LRRTM4: variants seen among roughly 807,000 people sequenced by gnomAD.
LRRTM4 encodes the protein leucine rich repeat transmembrane neuronal 4.
A neutral mutation model predicts 47.6 loss-of-function variants in LRRTM4; 25 were observed. The ratio of observed to expected loss-of-function variants is 0.53; its 90% CI spans 0.38 to 0.73. The LOEUF is 0.73. LRRTM4 is among the 30% of genes least tolerant of loss of function. The pLI is 0.00. For missense variants in LRRTM4, 638 were observed against 713.4 expected, an observed-to-expected ratio of 0.89 and a Z score of 1.20; for synonymous variants, 311 against 269.5, an observed-to-expected ratio of 1.15 and a Z score of -1.51.
intron 3 of LRRTM4, among the ~76,000 whole-genome samples, chr2:77,231,070 T>C (rs1674948519): frequency 2.0e-5 from 3 of 152,194 alleles, no homozygotes; most frequent in Admixed American, 1.3e-4. Context: ...AAAATATTTG[T>C]TTATTTTTAC....
intron 3 of LRRTM4, among the ~76,000 whole-genome samples, chr2:77,403,207 C>T (rs1573367015): frequency 6.6e-6 from 1 of 152,038 alleles, no homozygotes; most frequent in East Asian, 2.0e-4. Flanking sequence ...AATCAATTTG[C>T]CTTCCTATAC....
chr2:76,882,548 A>G (rs1672962489), intron 3 of LRRTM4, among the ~76,000 whole-genome samples: 1 of 151,852 alleles, frequency 6.6e-6, no homozygotes, highest in African/African-American at 2.4e-5. Flanking sequence ...AAAAATAAAA[A>G]AAAAAATTAA....
chr2:77,133,252 G>A (rs905944940), intron 3 of LRRTM4, among the ~76,000 whole-genome samples: 2 of 152,120 alleles, frequency 1.3e-5, no homozygotes, highest in African/African-American at 4.8e-5. Context: ...CAGTAACTGA[G>A]GTAAATATTG....
chr2:76,923,223 T>C (rs918610699), intron 3 of LRRTM4, among the ~76,000 whole-genome samples: 1 of 152,108 alleles, frequency 6.6e-6, no homozygotes, highest in Non-Finnish European at 1.5e-5. Flanking sequence ...TTCGTTTTTA[T>C]TGTTTTACCT....
chr2:77,337,089 G>T (rs928891826), intron 3 of LRRTM4, among the ~76,000 whole-genome samples: 2 of 152,010 alleles, frequency 1.3e-5, no homozygotes, highest in Non-Finnish European at 2.9e-5. Context: ...TTCAAGCTGA[G>T]AACCAATTTA....
chr2:77,150,058 A>C (rs1233428657), intron 3 of LRRTM4, among the ~76,000 whole-genome samples: 4 of 152,156 alleles, frequency 2.6e-5, no homozygotes, highest in Non-Finnish European at 5.9e-5. Flanking sequence ...GAAGTTATCT[A>C]TTTAGTAAAG....
rs142239410 is a variant in LRRTM4, at chr2:77,060,976, A to G, written c.1552-312060T>C. Among the ~76,000 whole-genome samples, 129 of 152,186 alleles carry G rather than the reference A, an allele frequency of 8.5e-4. 1 individual carries two copies. Among genetic ancestry groups the G allele is most frequent in the African/African-American group, 6.3e-4 (26 of 41,454 alleles). On this transcript the variant is annotated intron_variant, in intron 3 of 3. Transcript: ENST00000409884. ...AAAAACAATAGCAAATTATAAAGTTATATCAGTAAAAAACACAACAGTTTA... is the reference window on the plus strand; with the variant it reads ...AAAAACAATAGCAAATTATAAAGTTGTATCAGTAAAAAACACAACAGTTTA...
At chr2:76,842,184 T>C (rs1671703692) in intron 3 of LRRTM4, among the ~76,000 whole-genome samples, 1 of 152,130 alleles carries the variant, frequency 6.6e-6, no homozygotes, top group Non-Finnish European at 1.5e-5. Context: ...CTCTGCCTGA[T>C]TGCTTGGGCT....
intron 3 of LRRTM4, among the ~76,000 whole-genome samples, chr2:77,260,818 T>C (rs1675900616): frequency 1.3e-5 from 2 of 152,070 alleles, no homozygotes; most frequent in Admixed American, 1.3e-4. Context: ...CCGAGCCTGA[T>C]CAAAATGCAG....
intron 3 of LRRTM4, among the ~76,000 whole-genome samples, chr2:76,911,082 A>G (rs754145251): frequency 7.9e-5 from 12 of 152,210 alleles, no homozygotes; most frequent in Non-Finnish European, 1.8e-4. Flanking sequence ...TACTTAGGTA[A>G]TAATATGAAA....
At position 77,167,564 on chromosome 2, in the gene LRRTM4, A is replaced by G. The variant is rs138925721; in HGVS notation, c.1551+350754T>C. On this transcript the variant is annotated intron_variant, in intron 3 of 3. Transcript: ENST00000409884. Reference sequence around the variant, plus strand: ...CTTGGAACCAACCCAAATGTCCATCAATGATAGACTGGATTAAGAAAATGT... The same window carrying G: ...CTTGGAACCAACCCAAATGTCCATCGATGATAGACTGGATTAAGAAAATGT... Among the ~76,000 whole-genome samples the G allele has an allele frequency of 2.5e-3, 386 of 152,316 alleles. 3 individuals are homozygous for G. The highest frequency in any genetic ancestry group is 8.8e-3 in the African/African-American group (366 of 41,574).
At chr2:77,433,897 G>A (rs1387744017) in intron 3 of LRRTM4, among the ~76,000 whole-genome samples, 1 of 152,170 alleles carries the variant, frequency 6.6e-6, no homozygotes, top group East Asian at 1.9e-4. Flanking sequence ...ATAGGTCTCT[G>A]ATGGCTTTCT....
intron 3 of LRRTM4, among the ~76,000 whole-genome samples, chr2:77,034,264 C>T (rs971925007): frequency 2.6e-5 from 4 of 151,896 alleles, no homozygotes; most frequent in Non-Finnish European, 5.9e-5. Flanking sequence ...GTCACCACAA[C>T]CCAAGCTGTG....
intron 3 of LRRTM4, among the ~76,000 whole-genome samples, chr2:77,126,355 T>TA (rs1671652797): frequency 6.6e-6 from 1 of 152,094 alleles, no homozygotes; most frequent in African/African-American, 2.4e-5. Context: ...TATACAGGAA[T>TA]TTCATGTTGA....
chr2:76,807,383 TA>T (rs1558667124), intron 3 of LRRTM4, among the ~76,000 whole-genome samples: 2 of 52,990 alleles, frequency 3.8e-5, no homozygotes, highest in South Asian at 6.1e-4. Context: ...ACATTCATTT[TA>T]TATATATATA....
At chr2:77,038,768 A>G (rs997598037) in intron 3 of LRRTM4, among the ~76,000 whole-genome samples, 3 of 151,498 alleles carry the variant, frequency 2.0e-5, no homozygotes, top group African/African-American at 4.8e-5. Context: ...GCAACACAAT[A>G]TTGATAGGGG....
intron 3 of LRRTM4, among the ~76,000 whole-genome samples, chr2:77,218,976 C>A (rs10171055): frequency 0.15 from 22,145 of 152,168 alleles, 2,632 homozygotes; most frequent in East Asian, 0.34. Flanking sequence ...ATGATACGTG[C>A]TAGGCGCTGC....
intron 3 of LRRTM4, among the ~76,000 whole-genome samples, chr2:76,816,328 C>T (rs1670894564): frequency 6.6e-6 from 1 of 152,084 alleles, no homozygotes; most frequent in Admixed American, 6.6e-5. Flanking sequence ...ATCTCACCGA[C>T]ATCTGAAGTA....
At chr2:76,926,459 A>G (rs1674592103) in intron 3 of LRRTM4, among the ~76,000 whole-genome samples, 1 of 152,114 alleles carries the variant, frequency 6.6e-6, no homozygotes, top group African/African-American at 2.4e-5. Flanking sequence ...ACAAGGAGAT[A>G]CATTTTGGGC....
Sources: gnomAD v4.1 joint callset for allele counts (sites outside exome capture counted in the v4.1 genomes callset) on GRCh38, gnomAD v4.1.1 for gene constraint, MANE v1.5 for transcripts, NCBI Gene and HGNC (gene_info 2026-07-23, HGNC 2026-07-21) for gene names.